Variants in TJP2 observed in about 807,000 individuals in gnomAD.
TJP2 encodes the protein tight junction protein 2, also known as Friedreich ataxia region gene X104 (tight junction protein ZO-2).
TJP2 carries 91 observed loss-of-function variants against 133.1 expected under a neutral mutation model. The ratio of observed to expected loss-of-function variants is 0.68; its 90% confidence interval spans 0.58 to 0.81. The LOEUF (loss-of-function observed/expected upper bound fraction) is 0.81, where lower values mean the gene tolerates loss of function less well. Among genes scored for constraint, TJP2 ranks in the 40% least tolerant of loss-of-function variants. The probability of loss-of-function intolerance (pLI) is 0.00; values close to 1 mark genes in which losing one functional copy is unlikely to be tolerated. For missense variants in TJP2, 1,541 were observed against 1,565.6 expected, an observed-to-expected ratio of 0.98 and a Z score of 0.26; for synonymous variants, 592 against 583.4, an observed-to-expected ratio of 1.01 and a Z score of -0.21.
At chr9:69,168,286 C>G (rs1452441063) in intron 2 of TJP2, among the ~76,000 whole-genome samples, 1 of 152,064 alleles carries the variant, frequency 6.6e-6, no homozygotes, top group Non-Finnish European at 1.5e-5. Flanking sequence ...GCTTTGTTCT[C>G]TATTTCTAGA....
intron 1 of TJP2, among the ~76,000 whole-genome samples, chr9:69,127,081 T>G (rs73447165): frequency 0.061 from 4,290 of 69,938 alleles, 1,598 homozygotes; most frequent in African/African-American, 0.18. Context: ...TCTCTTTTTT[T>G]TTTTTTGAGG....
chr9:69,248,982 A>C (rs1255254220), intron 19 of TJP2: 1 of 993,360 alleles, frequency 1.0e-6, no homozygotes, highest in East Asian at 1.1e-4. Context: ...AAAAAAAAAA[A>C]AAAAAAAAGT....
intron 1 of TJP2, chr9:69,145,631 A>G: frequency 2.2e-6 from 2 of 925,904 alleles, no homozygotes; most frequent in South Asian, 1.1e-4. Flanking sequence ...AGCAGCTTCC[A>G]TTAAAGATTA....
rs1587985445 is a variant in TJP2, at chr9:69,180,500, G to C, written c.60+6068G>C. On this transcript the variant is annotated intron_variant, in intron 1 of 22. Transcript: ENST00000377245. ...TTGTTGAGAGTCATTTGTTTTCAGA[G>C]TATTAAAGGAAGTGTTCCGAGTTCT... Among the ~76,000 whole-genome samples, 3 of 152,258 alleles carry C rather than the reference G, an allele frequency of 2.0e-5. No individual in the cohort carries two copies. In the South Asian group the frequency reaches 6.2e-4, roughly 32 times the overall value.
At chr9:69,134,753 G>C (rs966985111) in intron 1 of TJP2, among the ~76,000 whole-genome samples, 5 of 151,872 alleles carry the variant, frequency 3.3e-5, no homozygotes, top group Non-Finnish European at 7.4e-5. Context: ...AAGTACCAAT[G>C]ACTGGGTGGG....
intron 14 of TJP2, 143 bp downstream of exon 14, chr9:69,237,279 A>T: frequency 2.0e-6 from 2 of 1,019,744 alleles, no homozygotes; most frequent in African/African-American, 1.6e-5. Flanking sequence ...TCAAATTCTA[A>T]CAAGGAGCAT....
chr9:69,248,638 G>T (rs1831101718), intron 19 of TJP2: 1 of 1,080,378 alleles, frequency 9.3e-7, no homozygotes, highest in African/African-American at 1.6e-5. Context: ...TTCTAATCTT[G>T]CCAAAGCTCT....
Position 69,239,952 on chromosome 9 carries a change from C to T in TJP2, c.2371C>T (p.Leu791=). 6.2e-7 allele frequency: 1 copy of T among 1,614,190 alleles called. No homozygotes were observed. Among genetic ancestry groups the T allele is most frequent in the Non-Finnish European group, 8.5e-7 (1 of 1,180,006 alleles). Residue 791 remains leucine, a synonymous_variant, in exon 17 of 23, where the codon CTG becomes TTG. Coordinates refer to ENST00000377245, the MANE Select transcript of TJP2 (RefSeq NM_004817.4). ...TTGTAAACAGGATAAGCATGCACTA[C>T]TGGATGTGACTCCGAAAGCTGTGGA... The part of the protein sequence containing the change: ...QIIEQDKHAL[L]DVTPKAVDLL...
intron 1 of TJP2, among the ~76,000 whole-genome samples, chr9:69,148,294 A>G (rs550183428): frequency 1.4e-4 from 20 of 144,344 alleles, no homozygotes; most frequent in South Asian, 2.2e-4. Flanking sequence ...AAAAGCCACA[A>G]TTGGAAGTCA....
upstream of TJP2, chr9:69,174,224 G>C: frequency 6.8e-7 from 1 of 1,472,384 alleles, no homozygotes; most frequent in Non-Finnish European, 9.0e-7. Context: ...CGGGAGGAGG[G>C]ACAAAGGGGT....
At chr9:69,235,821 T>A (rs1830146689) in intron 12 of TJP2, among the ~76,000 whole-genome samples, 1 of 152,156 alleles carries the variant, frequency 6.6e-6, no homozygotes, top group Admixed American at 6.6e-5. Context: ...CATGGCCCAG[T>A]CAAGTTGAAA....
intron 1 of TJP2, among the ~76,000 whole-genome samples, chr9:69,196,946 T>TACACACACACACACACACACAC (rs746386691): frequency 1.2e-3 from 157 of 134,226 alleles, no homozygotes; most frequent in Middle Eastern, 3.9e-3. Flanking sequence ...TGTGTGTGTG[T>TACACACACACACACACACACAC]ACACACACAC....
At chr9:69,128,978 G>A (rs1395515020) in intron 1 of TJP2, among the ~76,000 whole-genome samples, 1 of 152,172 alleles carries the variant, frequency 6.6e-6, no homozygotes, top group East Asian at 1.9e-4. Flanking sequence ...TTGCTCTTTT[G>A]GAATTTATTG....
intron 1 of TJP2, among the ~76,000 whole-genome samples, chr9:69,144,502 G>GA (rs112915014): frequency 1.9e-4 from 28 of 150,246 alleles, no homozygotes; most frequent in Non-Finnish European, 3.9e-4. Context: ...CATCAAATAG[G>GA]AAAAAAAAAT....
intron 1 of TJP2, among the ~76,000 whole-genome samples, chr9:69,185,187 G>A (rs964063976): frequency 4.6e-5 from 7 of 151,550 alleles, no homozygotes; most frequent in East Asian, 1.9e-4. Context: ...TCAGCCTCCC[G>A]AGTAGCTGGG....
At chr9:69,210,240 G>A (rs554860089) in intron 1 of TJP2, among the ~76,000 whole-genome samples, 3 of 133,492 alleles carry the variant, frequency 2.2e-5, no homozygotes, top group African/African-American at 8.2e-5. Flanking sequence ...AGTGAACCTA[G>A]ATCACACCCC....
At chr9:69,150,989 A>G (rs1217110739) in intron 1 of TJP2, among the ~76,000 whole-genome samples, 1 of 152,252 alleles carries the variant, frequency 6.6e-6, no homozygotes, top group African/African-American at 2.4e-5. Context: ...ACATTATGCT[A>G]AGTAAAAGAA....
At chr9:69,241,345 G>A (rs980488871) in intron 17 of TJP2, among the ~76,000 whole-genome samples, 4 of 152,148 alleles carry the variant, frequency 2.6e-5, no homozygotes, top group Non-Finnish European at 4.4e-5. Flanking sequence ...GGGGCAACAC[G>A]AGGAGACTGC....
chr9:69,244,188 A>G (rs1228071908), intron 17 of TJP2, among the ~76,000 whole-genome samples: 2 of 150,794 alleles, frequency 1.3e-5, no homozygotes, highest in African/African-American at 4.9e-5. Flanking sequence ...TCTCAGGAAA[A>G]AAAAAAAAAA....
Sources: gnomAD v4.1 joint callset for allele counts (sites outside exome capture counted in the v4.1 genomes callset) on GRCh38, gnomAD v4.1.1 for gene constraint, MANE v1.5 for transcripts, NCBI Gene and HGNC (gene_info 2026-07-23, HGNC 2026-07-21) for gene names.